The following ADGRL3 variants were observed in gnomAD, a reference collection of about 807,000 sequenced individuals.
The protein encoded by ADGRL3 is adhesion G protein-coupled receptor L3.
In ADGRL3, 62 loss-of-function variants were observed where a neutral mutation model predicts 153.5. That is an observed-to-expected ratio of 0.40 (90% confidence interval 0.33 to 0.50). The LOEUF is 0.50. Among genes scored for constraint, ADGRL3 ranks in the 20% least tolerant of loss-of-function variants. The pLI, the probability that ADGRL3 is intolerant of heterozygous loss-of-function variation, is 0.47. For synonymous variants in ADGRL3, 710 were observed against 672.5 expected, an observed-to-expected ratio of 1.06 and a Z score of -0.86; for missense variants, 1,641 against 1,859.4, an observed-to-expected ratio of 0.88 and a Z score of 2.16.
rs1022334851 is a variant in ADGRL3, at chr4:62,006,036, T to A, written c.3395+7771T>A. On this transcript the variant is annotated intron_variant, in intron 21 of 26. Coordinates refer to ENST00000683033, the MANE Select transcript of ADGRL3 (RefSeq NM_001387552.1). Reference sequence around the variant, plus strand: ...TATATATATATATATATATATATTTTTTTTTTTTTTTGAGAAAGGGTTTTG... The same window carrying A: ...TATATATATATATATATATATATTTATTTTTTTTTTTGAGAAAGGGTTTTG... Among the ~76,000 whole-genome samples the A allele has an allele frequency of 7.2e-3, 940 of 129,792 alleles. 16 individuals carry two copies. Among genetic ancestry groups the A allele is most frequent in the Non-Finnish European group, 0.011 (685 of 61,510 alleles). 85.1% of individuals were successfully genotyped at this position (129,792 alleles called of 152,430 possible).
At chr4:61,812,011 A>G (rs2097631939) in intron 8 of ADGRL3, among the ~76,000 whole-genome samples, 1 of 152,152 alleles carries the variant, frequency 6.6e-6, no homozygotes, top group South Asian at 2.1e-4. Context: ...TGTAGTTACG[A>G]TATTTACAAG....
At chr4:61,298,361 GCAATTGTGCTGCTTGCT>G (rs1560443775) in intron 1 of ADGRL3, among the ~76,000 whole-genome samples, 1 of 152,072 alleles carries the variant, frequency 6.6e-6, no homozygotes, top group Admixed American at 6.6e-5. Context: ...CTCTAGTTGG[GCAATTGTGCTGCTTGCT>G]CAATTGTGCC....
intron 8 of ADGRL3, among the ~76,000 whole-genome samples, chr4:61,810,794 T>A (rs373814786): frequency 2.0e-4 from 30 of 152,252 alleles, no homozygotes; most frequent in Middle Eastern, 3.4e-3. Context: ...TGTGTTTTTC[T>A]GTTCATTAGA....
At chr4:62,037,146 AAGAGAAATAAACTTC>A (rs1725480398) in intron 23 of ADGRL3, among the ~76,000 whole-genome samples, 1 of 152,142 alleles carries the variant, frequency 6.6e-6, no homozygotes, top group Non-Finnish European at 1.5e-5. Flanking sequence ...GATCTCTTTT[AAGAGAAATAAACTTC>A]AGAGAAATAT....
chr4:61,271,914 T>C (rs2149796786), intron 1 of ADGRL3, among the ~76,000 whole-genome samples: 1 of 152,132 alleles, frequency 6.6e-6, no homozygotes, highest in South Asian at 2.1e-4. Context: ...TTCATTTGTG[T>C]GATGTTTAAT....
At chr4:61,633,922 G>T (rs1458211286) in intron 5 of ADGRL3, among the ~76,000 whole-genome samples, 2 of 142,784 alleles carry the variant, frequency 1.4e-5, no homozygotes, top group Non-Finnish European at 3.1e-5. Context: ...TGAACTGCAC[G>T]TTAGAGAAAG....
At chr4:61,208,454 C>T (rs1246455212) in intron 1 of ADGRL3, among the ~76,000 whole-genome samples, 1 of 152,082 alleles carries the variant, frequency 6.6e-6, no homozygotes, top group Non-Finnish European at 1.5e-5. Flanking sequence ...TTACTATCAT[C>T]ATCATTATTA....
At chr4:61,440,728 A>C (rs376744483) in intron 2 of ADGRL3, among the ~76,000 whole-genome samples, 9 of 152,164 alleles carry the variant, frequency 5.9e-5, no homozygotes, top group African/African-American at 1.9e-4. Flanking sequence ...TTATCCTGTC[A>C]TGAATTGTAT....
At chr4:61,802,735 A>G (rs2097513103) in intron 8 of ADGRL3, among the ~76,000 whole-genome samples, 1 of 152,092 alleles carries the variant, frequency 6.6e-6, no homozygotes, top group South Asian at 2.1e-4. Flanking sequence ...TGAATGGTAT[A>G]TGGTATCTGG....
intron 4 of ADGRL3, among the ~76,000 whole-genome samples, chr4:61,563,553 T>C (rs756459052): frequency 2.0e-4 from 31 of 152,198 alleles, no homozygotes; most frequent in Non-Finnish European, 3.7e-4. Context: ...TGGCATCCTT[T>C]TCCCAAGGGA....
chr4:61,396,406 T>A (rs2096868962), intron 2 of ADGRL3, among the ~76,000 whole-genome samples: 1 of 151,860 alleles, frequency 6.6e-6, no homozygotes, highest in Non-Finnish European at 1.5e-5. Context: ...CAGACCAAAT[T>A]GAGTATTTAA....
At chr4:61,767,104 G>A (rs1431892487) in intron 8 of ADGRL3, among the ~76,000 whole-genome samples, 3 of 151,756 alleles carry the variant, frequency 2.0e-5, no homozygotes, top group Non-Finnish European at 4.4e-5. Context: ...GTGCATGATT[G>A]GTCGCCAAGG....
At chr4:61,359,944 A>G (rs1386785648) in intron 1 of ADGRL3, among the ~76,000 whole-genome samples, 1 of 151,270 alleles carries the variant, frequency 6.6e-6, no homozygotes, top group African/African-American at 2.4e-5. Flanking sequence ...TTTTATTATT[A>G]TATATAGTGG....
intron 2 of ADGRL3, among the ~76,000 whole-genome samples, chr4:61,481,681 C>T (rs1287352846): frequency 6.6e-6 from 1 of 150,774 alleles, no homozygotes; most frequent in African/African-American, 2.4e-5. Context: ...ATCTTAAAAT[C>T]ACATATTAGA....
intron 5 of ADGRL3, among the ~76,000 whole-genome samples, chr4:61,616,832 T>G (rs930928663): frequency 3.3e-5 from 5 of 152,160 alleles, no homozygotes; most frequent in African/African-American, 1.2e-4. Context: ...TTTTAACTTT[T>G]TTTTTAGAAG....
At chr4:61,864,091 T>C (rs1046817569) in intron 9 of ADGRL3, among the ~76,000 whole-genome samples, 8 of 152,226 alleles carry the variant, frequency 5.3e-5, no homozygotes, top group Non-Finnish European at 8.8e-5. Context: ...AAGTGGAAGA[T>C]ACTGTACTCA....
chr4:61,267,270 G>T (rs1278475699), intron 1 of ADGRL3, among the ~76,000 whole-genome samples: 1 of 151,654 alleles, frequency 6.6e-6, no homozygotes, highest in Non-Finnish European at 1.5e-5. Flanking sequence ...TATTTTCAAG[G>T]AAGGTCATAG....
intron 2 of ADGRL3, among the ~76,000 whole-genome samples, chr4:61,415,181 T>C (rs1246212267): frequency 6.6e-6 from 1 of 151,986 alleles, no homozygotes; most frequent in Non-Finnish European, 1.5e-5. Context: ...GGCCTATTTC[T>C]ATTATAATAT....
In ADGRL3 at chr4:62,074,779, G is replaced by A. The variant is rs1279944563; in HGVS notation, c.*3871G>A. On this transcript the variant is annotated 3_prime_UTR_variant, in exon 27 of 27. Coordinates refer to ENST00000683033, the MANE Select transcript of ADGRL3 (RefSeq NM_001387552.1). ...TAAAATATCCATCATAACTAAAAAT[G>A]TTGACATATTAAGGAAAGGATCTTT... 2 of 152,096 alleles carry A rather than the reference G, an allele frequency of 1.3e-5. No homozygotes were observed. The highest frequency in any genetic ancestry group is 2.4e-5 in the African/African-American group (1 of 41,430). 9.4% of individuals were successfully genotyped at this position (152,096 alleles called of 1,614,324 possible). A position where few individuals can be genotyped will look rare whatever the true frequency, so the allele number is the denominator to read the frequency against.
Sources: allele counts gnomAD v4.1 joint callset (sites outside exome capture counted in the v4.1 genomes callset), GRCh38; gene constraint gnomAD v4.1.1; transcripts MANE v1.5; gene names NCBI Gene and HGNC (gene_info 2026-07-23, HGNC 2026-07-21).